ST3GAL3: variants seen among roughly 807,000 people sequenced by gnomAD.
ST3GAL3 encodes ST3 beta-galactoside alpha-2,3-sialyltransferase 3, also known as CMP-N-acetylneuraminate-beta-1,4-galactoside alpha-2,3-sialyltransferase.
Under a neutral mutation model 50.1 loss-of-function variants are expected in ST3GAL3, and 21 were observed. The observed-to-expected ratio is 0.42, with a 90% CI of 0.30 to 0.60. ST3GAL3 has a LOEUF of 0.60. Among genes scored for constraint, ST3GAL3 ranks in the 20% least tolerant of loss-of-function variants. The pLI is 0.19. For missense variants in ST3GAL3, 353 were observed against 489.4 expected, an observed-to-expected ratio of 0.72 and a Z score of 2.63; for synonymous variants, 183 against 190.0, an observed-to-expected ratio of 0.96 and a Z score of 0.30.
At chr1:43,715,128 A>T (rs1291970873) in intron 1 of ST3GAL3, among the ~76,000 whole-genome samples, 1 of 152,160 alleles carries the variant, frequency 6.6e-6, no homozygotes, top group African/African-American at 2.4e-5. Flanking sequence ...GTTACTGAGG[A>T]TTTAAAGAAT....
At chr1:43,720,435 A>G (rs974903556) in intron 1 of ST3GAL3, 3 of 152,346 alleles carry the variant, frequency 2.0e-5, no homozygotes, top group Non-Finnish European at 1.5e-5. Flanking sequence ...AATAGCTAAG[A>G]CTGGATAATT....
chr1:43,809,977 A>G lies in ST3GAL3; in HGVS notation c.167-4914A>G, dbSNP rs186658882. Among the ~76,000 whole-genome samples, 415 of 144,080 alleles carry G rather than the reference A, an allele frequency of 2.9e-3. 1 individual carries two copies. The highest frequency in any genetic ancestry group is 3.5e-3 in the Non-Finnish European group (231 of 66,380). 94.5% of individuals were successfully genotyped at this position (144,080 alleles called of 152,430 possible). ...CACTGTACTCCAACCTGGGCCACAG[A>G]GTGAGACCCTGTCTCAAAAAAAAAA... is the stretch of plus-strand genomic sequence containing the variant. On this transcript the variant is annotated intron_variant, in intron 3 of 11. Transcript: ENST00000347631.
chr1:43,747,086 T>G (rs150390147), intron 2 of ST3GAL3, among the ~76,000 whole-genome samples: 1 of 152,194 alleles, frequency 6.6e-6, no homozygotes, highest in Non-Finnish European at 1.5e-5. Context: ...AATTTTATGT[T>G]GCATTATCTT....
intron 2 of ST3GAL3, among the ~76,000 whole-genome samples, chr1:43,774,934 A>G (rs920574440): frequency 6.6e-6 from 1 of 152,108 alleles, no homozygotes; most frequent in South Asian, 2.1e-4. Context: ...CATCCGCGGT[A>G]AGTAAAAGCA....
chr1:43,892,064 G>A lies in ST3GAL3; in HGVS notation c.303-2319G>A, dbSNP rs541411490. ...GTTCAAGCAACTCTCCTGCCTCAGCGTCCCAAGACGCTGGGACTACCAGCG... is the reference window on the plus strand; with the variant it reads ...GTTCAAGCAACTCTCCTGCCTCAGCATCCCAAGACGCTGGGACTACCAGCG... On this transcript the variant is annotated intron_variant, in intron 5 of 11. Transcript: ENST00000347631. 3.3e-5 allele frequency among the ~76,000 whole-genome samples: 5 copies of A among 152,102 alleles called. No homozygotes were observed. The South Asian group carries it at 6.2e-4, about 19-fold the overall frequency.
At chr1:43,765,808 C>T (rs866818983) in intron 2 of ST3GAL3, among the ~76,000 whole-genome samples, 2 of 145,544 alleles carry the variant, frequency 1.4e-5, no homozygotes, top group Admixed American at 1.3e-4. Flanking sequence ...CGCGTCCGCG[C>T]GTCCGCGTGC....
chr1:43,717,991 G>C (rs1342000471), intron 1 of ST3GAL3, among the ~76,000 whole-genome samples: 2 of 151,678 alleles, frequency 1.3e-5, no homozygotes, highest in Non-Finnish European at 1.5e-5. Flanking sequence ...TCCTGCCTCA[G>C]CCTCCCGAGT....
At chr1:43,731,903 C>T (rs1356408598) in intron 1 of ST3GAL3, among the ~76,000 whole-genome samples, 2 of 152,050 alleles carry the variant, frequency 1.3e-5, no homozygotes, top group Admixed American at 6.6e-5. Flanking sequence ...GTTTAGAATT[C>T]CTGGGCTCAA....
intron 5 of ST3GAL3, among the ~76,000 whole-genome samples, chr1:43,867,487 G>A (rs917138028): frequency 6.6e-6 from 1 of 152,216 alleles, no homozygotes; most frequent in Non-Finnish European, 1.5e-5. Flanking sequence ...ATAGTCATTT[G>A]TATATGTGGG....
intron 4 of ST3GAL3, among the ~76,000 whole-genome samples, chr1:43,830,171 T>C (rs1230206905): frequency 6.6e-6 from 1 of 151,770 alleles, no homozygotes; most frequent in African/African-American, 2.4e-5. Context: ...GAGCTGGGAC[T>C]GTAGGCACAT....
rs144020775 is a variant in ST3GAL3, at chr1:43,922,149, T to A, written c.1038+1221T>A. 1.5e-4 allele frequency: 24 copies of A among 157,286 alleles called. No individual in the cohort carries two copies. The East Asian group carries it at 1.8e-3, about 12-fold the overall frequency. 9.7% of individuals were successfully genotyped at this position (157,286 alleles called of 1,614,324 possible). Reference sequence around the variant, plus strand: ...GGGAGGCCAAGGCAGGGGTATTGCTTGAGCCCAGGAGTTTGAGAGCAGCCT... The same window carrying A: ...GGGAGGCCAAGGCAGGGGTATTGCTAGAGCCCAGGAGTTTGAGAGCAGCCT... On this transcript the variant is annotated intron_variant, in intron 11 of 11. Transcript: ENST00000347631.
intron 5 of ST3GAL3, among the ~76,000 whole-genome samples, chr1:43,870,662 A>T (rs1008567418): frequency 6.6e-6 from 1 of 152,026 alleles, no homozygotes; most frequent in African/African-American, 2.4e-5. Context: ...GAGCTGGTTG[A>T]CATGAGGCTG....
chr1:43,887,824 A>T (rs1018997007), intron 5 of ST3GAL3, among the ~76,000 whole-genome samples: 2 of 152,154 alleles, frequency 1.3e-5, no homozygotes, highest in African/African-American at 2.4e-5. Context: ...GATTGTTAGA[A>T]ATTCCACATC....
chr1:43,875,914 C>T (rs763768741), intron 5 of ST3GAL3, among the ~76,000 whole-genome samples: 1 of 51,424 alleles, frequency 1.9e-5, no homozygotes, highest in African/African-American at 1.2e-4. Context: ...TCTTCTTCTT[C>T]TTCTTCTTCT....
intron 3 of ST3GAL3, among the ~76,000 whole-genome samples, chr1:43,808,923 T>C (rs1488233825): frequency 6.6e-6 from 1 of 152,196 alleles, no homozygotes; most frequent in Non-Finnish European, 1.5e-5. Context: ...CAGGAAGGTA[T>C]TGCCTTAGCA....
At chr1:43,806,619 G>A (rs2059918140) in intron 3 of ST3GAL3, among the ~76,000 whole-genome samples, 1 of 152,200 alleles carries the variant, frequency 6.6e-6, no homozygotes, top group South Asian at 2.1e-4. Context: ...TGAGCTAGAG[G>A]TAACTGTGGA....
intron 6 of ST3GAL3, among the ~76,000 whole-genome samples, chr1:43,897,008 A>G (rs1305087535): frequency 1.4e-5 from 2 of 146,044 alleles, no homozygotes; most frequent in Non-Finnish European, 3.0e-5. Context: ...AGATTTATCT[A>G]TATTGGTACA....
chr1:43,866,273 A>G (rs910139425), intron 5 of ST3GAL3, among the ~76,000 whole-genome samples: 6 of 152,110 alleles, frequency 3.9e-5, no homozygotes, highest in South Asian at 2.1e-4. Context: ...TCAGAGAAGG[A>G]TTTTTGAAGG....
chr1:43,720,848 T>G (rs1670064757), intron 1 of ST3GAL3, among the ~76,000 whole-genome samples: 2 of 152,338 alleles, frequency 1.3e-5, no homozygotes, highest in Admixed American at 1.3e-4. Flanking sequence ...GCAGCGTTAT[T>G]CAGCCAAAAA....
Sources: allele counts gnomAD v4.1 joint callset (sites outside exome capture counted in the v4.1 genomes callset), GRCh38; gene constraint gnomAD v4.1.1; transcripts MANE v1.5; gene names NCBI Gene and HGNC (gene_info 2026-07-23, HGNC 2026-07-21).